Variants in WNK1 observed in about 807,000 individuals in gnomAD.
The protein encoded by WNK1 is WNK lysine deficient protein kinase 1.
A neutral mutation model predicts 222.8 loss-of-function variants in WNK1; 38 were observed. That is an observed-to-expected ratio of 0.17 (90% CI 0.13 to 0.22). The LOEUF (loss-of-function observed/expected upper bound fraction) is 0.22. Ranked by LOEUF, WNK1 falls within the 10% of genes least tolerant of loss-of-function variation. The probability of loss-of-function intolerance (pLI) is 1.00; values close to 1 mark genes in which losing one functional copy is unlikely to be tolerated. For synonymous variants in WNK1, 1,090 were observed against 1,092.9 expected (o/e 1.00, Z 0.05); for missense variants, 2,348 against 2,918.4 (o/e 0.80, Z 4.50).
intron 2 of WNK1, among the ~76,000 whole-genome samples, chr12:814,750 G>T (rs866646060): frequency 2.8e-4 from 42 of 152,086 alleles, no homozygotes; most frequent in Non-Finnish European, 5.9e-5. Flanking sequence ...GCGGGGGTGG[G>T]GCTGGGGAAG....
intron 23 of WNK1, among the ~76,000 whole-genome samples, chr12:895,648 A>G (rs571990642): frequency 1.3e-5 from 2 of 151,904 alleles, no homozygotes; most frequent in Admixed American, 6.6e-5. Context: ...TAGTAGAGAC[A>G]GGGTTTCACC....
chr12:788,259 A>G (rs1944501936), intron 1 of WNK1, among the ~76,000 whole-genome samples: 1 of 152,196 alleles, frequency 6.6e-6, no homozygotes, highest in African/African-American at 2.4e-5. Flanking sequence ...ACATAAAACT[A>G]ACCATCACAG....
rs1326235148 is a variant in WNK1, at chr12:910,375, A to T, written c.*1583A>T. 1 of 152,208 alleles carries T rather than the reference A, an allele frequency of 6.6e-6. No individual in the cohort carries two copies. Among genetic ancestry groups the T allele is most frequent in the African/African-American group, 2.4e-5 (1 of 41,452 alleles). The allele number at this position is 152,208 out of a possible 1,614,324, so 9.4% of individuals were successfully genotyped here. On this transcript the variant is annotated 3_prime_UTR_variant, in exon 28 of 28. Coordinates refer to ENST00000315939, the MANE Select transcript of WNK1 (RefSeq NM_018979.4). ...TTTATGATGTCCAAATGGTTGCAGG[A>T]TCATAATCTATTGTGCCACCTTTAT...
At chr12:822,869 A>T (rs1421962726) in intron 2 of WNK1, among the ~76,000 whole-genome samples, 40 of 152,214 alleles carry the variant, frequency 2.6e-4, no homozygotes, top group Admixed American at 2.6e-3. Flanking sequence ...ATTTGGTTTT[A>T]TGGCTTCAAG....
At chr12:777,172 T>C (rs550738557) in intron 1 of WNK1, among the ~76,000 whole-genome samples, 27 of 149,790 alleles carry the variant, frequency 1.8e-4, no homozygotes, top group African/African-American at 2.5e-5. Context: ...TTTTTTTTGT[T>C]TTTTTTTTTG....
intron 1 of WNK1, among the ~76,000 whole-genome samples, chr12:794,470 A>C (rs79440276): frequency 6.6e-6 from 1 of 150,436 alleles, no homozygotes; most frequent in African/African-American, 2.4e-5. Context: ...CCTTTATCCA[A>C]CTGAAGATGT....
chr12:840,483 TATG>T, intron 4 of WNK1, among the ~76,000 whole-genome samples: 1 of 152,240 alleles, frequency 6.6e-6, no homozygotes, highest in Admixed American at 6.5e-5. Flanking sequence ...GAGTATTTTG[TATG>T]ATACGAAAAC....
intron 1 of WNK1, among the ~76,000 whole-genome samples, chr12:754,665 C>G (rs1287693902): frequency 6.6e-6 from 1 of 152,140 alleles, no homozygotes; most frequent in African/African-American, 2.4e-5. Flanking sequence ...CTGTGCATTT[C>G]AATCTCATCA....
rs1720993764 is a variant in WNK1 at position 884,544 on chromosome 12, T to A, written c.3845-105T>A. On this transcript the variant is annotated intron_variant, in intron 18 of 27. Transcript: ENST00000315939. This position sits in a 1 kb window ranked among gnomAD's most constrained non-coding sequence, Gnocchi z 5.6. The stretch of plus-strand genomic sequence containing the variant: ...TGTTTTAAGATTACTCCATATTTTT[T>A]ATCAAAAACAGATATTTATAGGAGC... The A allele has an allele frequency of 1.0e-4, 123 of 1,204,740 alleles. 2 individuals are homozygous for A. The South Asian group carries it at 1.3e-3, about 13-fold the overall frequency. 74.6% of individuals were successfully genotyped at this position (1,204,740 alleles called of 1,614,324 possible).
Position 827,654 on chromosome 12 carries a change from G to A in WNK1, c.1153+392G>A, listed in dbSNP as rs1948463432. 6.6e-6 allele frequency among the ~76,000 whole-genome samples: 1 copy of A among 151,968 alleles called. No individual in the cohort carries two copies. Among genetic ancestry groups the A allele is most frequent in the African/African-American group, 2.4e-5 (1 of 41,384 alleles). On this transcript the variant is annotated intron_variant, in intron 3 of 27. Coordinates refer to ENST00000315939, the MANE Select transcript of WNK1 (RefSeq NM_018979.4). This position sits in a 1 kb window ranked among gnomAD's most constrained non-coding sequence, Gnocchi z 4.6. ...AGCGATTCTTGTGCCTCAGCCTCCCGAGTAGCTGGGATTACAGGCATGCAT... is the reference window on the plus strand; with the variant it reads ...AGCGATTCTTGTGCCTCAGCCTCCCAAGTAGCTGGGATTACAGGCATGCAT...
chr12:883,078 T>A lies in WNK1; in HGVS notation c.3489+19T>A. On this transcript the variant is annotated intron_variant, in intron 15 of 27. Transcript: ENST00000315939. ...AATTATGGTACGTCTGCATTTGGAG[T>A]TCTAGGTTTTTCCTTAGTACTTGAT... 1 of 1,526,974 alleles carries A rather than the reference T, an allele frequency of 6.5e-7. No individual in the cohort carries two copies. The highest frequency in any genetic ancestry group is 9.1e-7 in the Non-Finnish European group (1 of 1,100,638). 94.6% of individuals were successfully genotyped at this position (1,526,974 alleles called of 1,614,324 possible).
At chr12:899,291 A>G (rs1350648307) in intron 25 of WNK1, among the ~76,000 whole-genome samples, 3 of 60,272 alleles carry the variant, frequency 5.0e-5, no homozygotes, top group African/African-American at 2.0e-4. Flanking sequence ...ATCTGATCCC[A>G]ATCAGATCTT....
chr12:777,630 A>G (rs772999316), intron 1 of WNK1, among the ~76,000 whole-genome samples: 1 of 152,218 alleles, frequency 6.6e-6, no homozygotes, highest in Non-Finnish European at 1.5e-5. Context: ...TTTCTTAAGT[A>G]CTAGTATATT....
chr12:797,539 A>G (rs986831618), intron 1 of WNK1, among the ~76,000 whole-genome samples: 10 of 152,286 alleles, frequency 6.6e-5, no homozygotes, highest in East Asian at 1.9e-4. Flanking sequence ...GTTGGTGTCA[A>G]TTTCAACTTT....
At chr12:867,909 C>T (rs1951815241) in intron 8 of WNK1, 1 of 1,614,002 alleles carries the variant, frequency 6.2e-7, no homozygotes, top group Non-Finnish European at 8.5e-7. Flanking sequence ...CCAACATACC[C>T]AGAATCACAG....
intron 22 of WNK1, among the ~76,000 whole-genome samples, chr12:893,328 A>G (rs1447828731): frequency 6.6e-6 from 1 of 152,198 alleles, no homozygotes; most frequent in Non-Finnish European, 1.5e-5. Context: ...TATGAAATAT[A>G]TATATGGTAT....
chr12:878,025 C>T, intron 9 of WNK1, 187 bp from the exon 10 acceptor site: 1 of 709,592 alleles, frequency 1.4e-6, no homozygotes. Context: ...CCTGGTGGCA[C>T]CATCACAAAG....
At chr12:904,330 C>T in intron 26 of WNK1, 4 of 640,826 alleles carry the variant, frequency 6.2e-6, no homozygotes, top group South Asian at 6.0e-5. Flanking sequence ...CTACCAGGTC[C>T]TACCTATCTG....
At chr12:868,532 G>A in intron 8 of WNK1, 1 of 1,613,880 alleles carries the variant, frequency 6.2e-7, no homozygotes, top group Non-Finnish European at 8.5e-7. Flanking sequence ...TATCAGTACA[G>A]ATGCTACACG....
Sources: gnomAD v4.1 joint callset for allele counts (sites outside exome capture counted in the v4.1 genomes callset) on GRCh38, gnomAD v4.1.1 for gene constraint, Gnocchi (gnomAD v3.1) non-coding constraint, MANE v1.5 for transcripts, NCBI Gene and HGNC (gene_info 2026-07-23, HGNC 2026-07-21) for gene names.